EIF4EBP1: variants seen among roughly 807,000 people sequenced by gnomAD.
The protein encoded by EIF4EBP1 is eukaryotic translation initiation factor 4E-binding protein 1.
In EIF4EBP1, 5 loss-of-function variants were observed where a neutral mutation model predicts 9.2. The observed-to-expected ratio is 0.54, with a 90% CI of 0.28 to 1.14. The LOEUF is 1.14. Ranked by LOEUF, EIF4EBP1 falls within the 50% of genes most tolerant of loss-of-function variation. EIF4EBP1 has a pLI of 0.09. For missense variants in EIF4EBP1, 139 were observed against 169.6 expected (o/e 0.82, Z 1.00); for synonymous variants, 62 against 67.0 (o/e 0.93, Z 0.36).
At chr8:38,057,817 C>A (rs1809619036) in intron 2 of EIF4EBP1, among the ~76,000 whole-genome samples, 1 of 152,182 alleles carries the variant, frequency 6.6e-6, no homozygotes, top group Admixed American at 6.5e-5. Flanking sequence ...CTGGGTCCTT[C>A]CTGCTGTCCC....
chr8:38,046,043 C>T lies in EIF4EBP1; in HGVS notation c.146-11038C>T, dbSNP rs530151043. Among the ~76,000 whole-genome samples, 3 of 152,254 alleles carry T rather than the reference C, an allele frequency of 2.0e-5. No individual in the cohort carries two copies. The South Asian group carries it at 6.2e-4, about 32-fold the overall frequency. On this transcript the variant is annotated intron_variant, in intron 1 of 2. Transcript: ENST00000338825. ...TCAGCCTCCCAAGTAGCTGGGATTA[C>T]AGGCGTCTGCCACCACGCCCAGCTA... is the stretch of plus-strand genomic sequence containing the variant.
chr8:38,036,142 A>C (rs1042877878), intron 1 of EIF4EBP1, among the ~76,000 whole-genome samples: 1 of 151,864 alleles, frequency 6.6e-6, no homozygotes, highest in Non-Finnish European at 1.5e-5. Context: ...AGTAGCTGGG[A>C]CCACAAACCC....
rs564180968 is a variant in EIF4EBP1 at position 38,046,595 on chromosome 8, G to A, written c.146-10486G>A. ...GAAATTATGTCACCTGGACCCTGCA[G>A]GTCATGATAATAACTAGAATTGTAT... On this transcript the variant is annotated intron_variant, in intron 1 of 2. Coordinates refer to ENST00000338825, the MANE Select transcript of EIF4EBP1 (RefSeq NM_004095.4). Among the ~76,000 whole-genome samples the A allele has an allele frequency of 2.6e-5, 4 of 152,264 alleles. No homozygotes were observed. The South Asian group carries it at 8.3e-4, about 32-fold the overall frequency.
At chr8:38,046,312 A>C (rs1006957359) in intron 1 of EIF4EBP1, among the ~76,000 whole-genome samples, 17 of 151,948 alleles carry the variant, frequency 1.1e-4, no homozygotes, top group Non-Finnish European at 4.4e-5. Flanking sequence ...AACTACTGTC[A>C]CCACAAAGCA....
At chr8:38,042,999 G>A (rs891715041) in intron 1 of EIF4EBP1, among the ~76,000 whole-genome samples, 10 of 152,138 alleles carry the variant, frequency 6.6e-5, no homozygotes, top group Admixed American at 3.9e-4. Flanking sequence ...CCAGGGAGGC[G>A]GAGGCTGCAG....
intron 1 of EIF4EBP1, among the ~76,000 whole-genome samples, chr8:38,054,532 A>AG (rs977407416): frequency 6.6e-6 from 1 of 152,154 alleles, no homozygotes; most frequent in Non-Finnish European, 1.5e-5. Flanking sequence ...AAGAAACAAC[A>AG]GAAAAAAAGT....
chr8:38,048,272 C>CAA (rs111437737), intron 1 of EIF4EBP1, among the ~76,000 whole-genome samples: 1 of 135,710 alleles, frequency 7.4e-6, no homozygotes, highest in Admixed American at 7.5e-5. Flanking sequence ...GACCCTGTTT[C>CAA]AAAAAAAAAA....
intron 1 of EIF4EBP1, among the ~76,000 whole-genome samples, chr8:38,034,164 A>C (rs942655771): frequency 3.9e-5 from 6 of 152,070 alleles, no homozygotes; most frequent in African/African-American, 1.4e-4. Flanking sequence ...CTCCTGCCTC[A>C]GCCTTGCAAG....
chr8:38,049,125 C>CAAAAA (rs916485531), intron 1 of EIF4EBP1, among the ~76,000 whole-genome samples: 3 of 79,380 alleles, frequency 3.8e-5, no homozygotes, highest in Non-Finnish European at 7.8e-5. Flanking sequence ...AACTCCGTCT[C>CAAAAA]AAAAAAAAAA....
At chr8:38,031,984 C>CAG (rs1160859815) in intron 1 of EIF4EBP1, among the ~76,000 whole-genome samples, 1 of 152,226 alleles carries the variant, frequency 6.6e-6, no homozygotes, top group East Asian at 1.9e-4. Flanking sequence ...ATTCCCGACT[C>CAG]ATCCTCTTTC....
At chr8:38,032,325 C>T (rs980911852) in intron 1 of EIF4EBP1, among the ~76,000 whole-genome samples, 1 of 151,844 alleles carries the variant, frequency 6.6e-6, no homozygotes. Context: ...CCAGCCTGGG[C>T]AACATAGTGA....
chr8:38,039,274 T>C (rs891871206), intron 1 of EIF4EBP1, among the ~76,000 whole-genome samples: 1 of 152,082 alleles, frequency 6.6e-6, no homozygotes, highest in African/African-American at 2.4e-5. Flanking sequence ...GACAGCCCAC[T>C]ATAGAGTCTA....
chr8:38,032,831 A>G (rs1321370308), intron 1 of EIF4EBP1, among the ~76,000 whole-genome samples: 2 of 152,170 alleles, frequency 1.3e-5, no homozygotes, highest in Non-Finnish European at 2.9e-5. Context: ...TCGATTAGCC[A>G]AGGTGTGGAC....
chr8:38,057,718 C>T (rs1258778684), intron 2 of EIF4EBP1, among the ~76,000 whole-genome samples: 2 of 152,162 alleles, frequency 1.3e-5, no homozygotes, highest in African/African-American at 4.8e-5. Flanking sequence ...GGGATGCCTC[C>T]TGTTGGGCTG....
At chr8:38,049,495 T>C (rs77386785) in intron 1 of EIF4EBP1, among the ~76,000 whole-genome samples, 8 of 151,742 alleles carry the variant, frequency 5.3e-5, no homozygotes, top group Non-Finnish European at 5.9e-5. Context: ...TTTTTTTTTT[T>C]TCTTGAGACA....
intron 1 of EIF4EBP1, among the ~76,000 whole-genome samples, chr8:38,041,928 GT>G (rs1226872702): frequency 1.3e-5 from 2 of 151,922 alleles, no homozygotes; most frequent in African/African-American, 2.4e-5. Context: ...GGAATTTGAG[GT>G]TACGGTGAGC....
chr8:38,057,801 T>C (rs760077068), intron 2 of EIF4EBP1, among the ~76,000 whole-genome samples: 2 of 152,200 alleles, frequency 1.3e-5, no homozygotes, highest in African/African-American at 2.4e-5. Context: ...ATTTGACATT[T>C]GGTAGCTGGG....
chr8:38,050,177 G>A (rs1809500671), intron 1 of EIF4EBP1, among the ~76,000 whole-genome samples: 1 of 152,126 alleles, frequency 6.6e-6, no homozygotes, highest in East Asian at 1.9e-4. Flanking sequence ...CTCCCAAAGT[G>A]TTGGGGTTGT....
In EIF4EBP1 at chr8:38,030,642, C is replaced by A; in HGVS notation, c.69C>A (p.Leu23=). ...TCCCCGCCACTCGCCGGGTGGTGCT[C>A]GGCGACGGCGTGCAGCTCCCGCCCG... ...RAIPATRRVV[L]GDGVQLPPGD... Residue 23 remains leucine (L), a synonymous_variant, in exon 1 of 3, where the codon CTC becomes CTA. Coordinates refer to ENST00000338825, the MANE Select transcript of EIF4EBP1 (RefSeq NM_004095.4). The A allele has an allele frequency of 6.6e-7, 1 of 1,509,626 alleles. No individual in the cohort carries two copies. Among genetic ancestry groups the A allele is most frequent in the Non-Finnish European group, 8.8e-7 (1 of 1,135,920 alleles). The allele number at this position is 1,509,626 out of a possible 1,614,324, so 93.5% of individuals were successfully genotyped here. A position where few individuals can be genotyped will look rare whatever the true frequency, so the allele number is the denominator to read the frequency against.
Sources: allele counts gnomAD v4.1 joint callset (sites outside exome capture counted in the v4.1 genomes callset), GRCh38; gene constraint gnomAD v4.1.1; transcripts MANE v1.5; gene names NCBI Gene and HGNC (gene_info 2026-07-23, HGNC 2026-07-21).